GABRB3: variants seen among roughly 807,000 people sequenced by gnomAD.
GABRB3 encodes gamma-aminobutyric acid type A receptor subunit beta3, also known as gamma-aminobutyric acid receptor subunit beta-3.
Under a neutral mutation model 52.1 loss-of-function variants are expected in GABRB3, and 14 were observed. The ratio of observed to expected loss-of-function variants is 0.27; its 90% confidence interval spans 0.18 to 0.42. The LOEUF (loss-of-function observed/expected upper bound fraction) is 0.42. GABRB3 is among the 10% of genes least tolerant of loss of function. The probability of loss-of-function intolerance (pLI) is 1.00; values close to 1 mark genes in which losing one functional copy is unlikely to be tolerated. For missense variants in GABRB3, 307 were observed against 609.1 expected (o/e 0.50, Z 5.22); for synonymous variants, 260 against 232.3 (o/e 1.12, Z -1.08).
At chr15:26,551,102 G>A (rs901621133) in intron 8 of GABRB3, among the ~76,000 whole-genome samples, 53 of 152,268 alleles carry the variant, frequency 3.5e-4, no homozygotes, top group Non-Finnish European at 6.3e-4. Flanking sequence ...TATCACTTTC[G>A]TATCCTCTTA....
chr15:26,706,055 T>TA (rs906669957), intron 3 of GABRB3, among the ~76,000 whole-genome samples: 14 of 152,036 alleles, frequency 9.2e-5, no homozygotes, highest in African/African-American at 3.1e-4. Context: ...AAGTTAAAAT[T>TA]AAAAAACAAT....
chr15:26,694,802 G>C (rs1566808664), intron 3 of GABRB3, among the ~76,000 whole-genome samples: 1 of 152,128 alleles, frequency 6.6e-6, no homozygotes, highest in East Asian at 1.9e-4. Flanking sequence ...GGCTCTAATA[G>C]AAAAAATGTG....
intron 3 of GABRB3, among the ~76,000 whole-genome samples, chr15:26,639,973 G>A (rs1013938964): frequency 1.3e-5 from 2 of 152,098 alleles, no homozygotes; most frequent in African/African-American, 2.4e-5. Context: ...TGTAAAAATC[G>A]CCATATTTTG....
chr15:26,649,668 G>GTGTC lies in GABRB3; in HGVS notation c.241-28135_241-28134insGACA, dbSNP rs778303801. On this transcript the variant is annotated intron_variant, in intron 3 of 8. Transcript: ENST00000311550. ...AGGACAGAGCCAAGGCTGTGTGTGT[G>GTGTC]TGTGTGTGTGTGTGTGTGTGTGTGT... 9.8e-4 allele frequency among the ~76,000 whole-genome samples: 148 copies of GTGTC among 151,052 alleles called. 1 individual carries two copies. Among genetic ancestry groups the GTGTC allele is most frequent in the Non-Finnish European group, 1.9e-3 (129 of 67,636 alleles).
At chr15:26,754,353 T>C (rs771349452) in intron 3 of GABRB3, among the ~76,000 whole-genome samples, 1 of 152,006 alleles carries the variant, frequency 6.6e-6, no homozygotes, top group Non-Finnish European at 1.5e-5. Context: ...CAGAGAGAGA[T>C]CAGAAGTAGT....
chr15:26,629,234 G>A (rs1892836378), intron 3 of GABRB3: 5 of 1,395,078 alleles, frequency 3.6e-6, no homozygotes, highest in Non-Finnish European at 4.7e-6. Flanking sequence ...GGAAAGGAGG[G>A]CAGCGCGGAA....
intron 4 of GABRB3, among the ~76,000 whole-genome samples, chr15:26,604,872 A>T (rs1489345055): frequency 1.3e-5 from 2 of 152,138 alleles, no homozygotes; most frequent in Non-Finnish European, 2.9e-5. Flanking sequence ...GAAAATATTG[A>T]GTGACACCCC....
chr15:26,556,776 C>T (rs1889768447), intron 8 of GABRB3, among the ~76,000 whole-genome samples: 3 of 152,094 alleles, frequency 2.0e-5, no homozygotes, highest in South Asian at 4.2e-4. Context: ...GTCACTAAAA[C>T]CATAGTACCA....
chr15:26,565,109 G>A (rs1890117225), intron 7 of GABRB3, among the ~76,000 whole-genome samples: 1 of 152,214 alleles, frequency 6.6e-6, no homozygotes. Context: ...GGCCTTAGCA[G>A]AGAATGTGGC....
At chr15:26,654,414 G>A (rs528302464) in intron 3 of GABRB3, among the ~76,000 whole-genome samples, 1 of 152,166 alleles carries the variant, frequency 6.6e-6, no homozygotes, top group Admixed American at 6.5e-5. Flanking sequence ...CCAAAGTGCT[G>A]GGATTACAGG....
rs575187504 is a variant in GABRB3, at chr15:26,728,028, A to G, written c.240+44374T>C. Among the ~76,000 whole-genome samples the G allele has an allele frequency of 3.3e-5, 5 of 152,312 alleles. No homozygotes were observed. In the South Asian group the frequency reaches 1.0e-3, roughly 32 times the overall value. Reference sequence around the variant, plus strand: ...GTTATTCCCTTCTAGTCAATGGTCAAAAGACTGTTTTTCAAAGTTACCTAC... The same window carrying G: ...GTTATTCCCTTCTAGTCAATGGTCAGAAGACTGTTTTTCAAAGTTACCTAC... On this transcript the variant is annotated intron_variant, in intron 3 of 8. Transcript: ENST00000311550.
At chr15:26,623,496 A>G (rs996737930) in intron 3 of GABRB3, among the ~76,000 whole-genome samples, 3 of 152,084 alleles carry the variant, frequency 2.0e-5, no homozygotes, top group African/African-American at 7.2e-5. Context: ...TACTTTTCAC[A>G]TGCAAACCAA....
chr15:26,651,085 C>A (rs1268129229), intron 3 of GABRB3, among the ~76,000 whole-genome samples: 2 of 152,214 alleles, frequency 1.3e-5, no homozygotes, highest in South Asian at 4.1e-4. Flanking sequence ...AGGCCCTTTG[C>A]CCTCACTGAC....
At chr15:26,704,404 T>C (rs957470186) in intron 3 of GABRB3, among the ~76,000 whole-genome samples, 6 of 152,220 alleles carry the variant, frequency 3.9e-5, no homozygotes, top group Non-Finnish European at 5.9e-5. Context: ...CATTCTCCTA[T>C]TGTCTTGATG....
At chr15:26,581,485 TTGCAAA>T (rs1262730771) in intron 5 of GABRB3, among the ~76,000 whole-genome samples, 1 of 152,192 alleles carries the variant, frequency 6.6e-6, no homozygotes, top group African/African-American at 2.4e-5. Flanking sequence ...TACTTAAAAC[TTGCAAA>T]TGCTTCCTAG....
intron 3 of GABRB3, among the ~76,000 whole-genome samples, chr15:26,739,604 G>C (rs1595560561): frequency 6.6e-6 from 1 of 151,950 alleles, no homozygotes; most frequent in East Asian, 1.9e-4. Flanking sequence ...CATTGACCAG[G>C]TATTTCTAAA....
rs118135446 is a variant in GABRB3 at position 26,607,113 on chromosome 15, C to T, written c.461+14201G>A. On this transcript the variant is annotated intron_variant, in intron 4 of 8. Transcript: ENST00000311550. ...GTTTCTGTACCTCACTTCTGATTCC[C>T]GTACCTCACTTTACCTTTTTTGTCT... Among the ~76,000 whole-genome samples, 592 of 152,188 alleles carry T rather than the reference C, an allele frequency of 3.9e-3. 9 individuals carry two copies. The East Asian group carries it at 0.046, about 12-fold the overall frequency.
intron 3 of GABRB3, among the ~76,000 whole-genome samples, chr15:26,635,528 A>T: frequency 6.6e-6 from 1 of 151,438 alleles, no homozygotes; most frequent in Admixed American, 6.6e-5. Context: ...CAAAAAAAAA[A>T]TGCTTAAACA....
intron 3 of GABRB3, among the ~76,000 whole-genome samples, chr15:26,641,858 C>T (rs536878796): frequency 9.9e-5 from 15 of 152,116 alleles, no homozygotes; most frequent in Non-Finnish European, 1.5e-4. Flanking sequence ...TAGGGGCCCA[C>T]TTATACACAG....
Sources: allele counts gnomAD v4.1 joint callset (sites outside exome capture counted in the v4.1 genomes callset), GRCh38; gene constraint gnomAD v4.1.1; transcripts MANE v1.5; gene names NCBI Gene and HGNC (gene_info 2026-07-23, HGNC 2026-07-21).